The following PRTG variants were observed in gnomAD, a reference collection of about 807,000 sequenced individuals.
PRTG encodes the protein immunoglobulin superfamily, DCC subclass, member 5.
PRTG carries 67 observed loss-of-function variants against 122.5 expected under a neutral mutation model. The observed-to-expected ratio is 0.55, with a 90% CI of 0.45 to 0.67. The LOEUF (loss-of-function observed/expected upper bound fraction) is 0.67, where lower values mean the gene tolerates loss of function less well. PRTG is among the 30% of genes least tolerant of loss of function. The pLI, the probability that PRTG is intolerant of heterozygous loss-of-function variation, is 0.00. For synonymous variants in PRTG, 554 were observed against 501.1 expected (o/e 1.11, Z -1.41); for missense variants, 1,435 against 1,415.4 (o/e 1.01, Z -0.22).
intron 2 of PRTG, among the ~76,000 whole-genome samples, chr15:55,725,839 G>A (rs750169008): frequency 5.3e-5 from 8 of 151,938 alleles, no homozygotes; most frequent in South Asian, 2.1e-4. Context: ...TGGTGCCATC[G>A]CAGCTCACTG....
At chr15:55,641,824 T>C (rs1208216293) in intron 11 of PRTG, among the ~76,000 whole-genome samples, 1 of 152,156 alleles carries the variant, frequency 6.6e-6, no homozygotes, top group East Asian at 1.9e-4. Context: ...TTATTAACTA[T>C]CACGATACTA....
chr15:55,710,383 T>C (rs751031511), intron 2 of PRTG, among the ~76,000 whole-genome samples: 2 of 152,240 alleles, frequency 1.3e-5, no homozygotes, highest in Non-Finnish European at 2.9e-5. Flanking sequence ...TTGGCTACTA[T>C]GTGAATTAAA....
At chr15:55,627,899 T>C (rs899331580) in intron 16 of PRTG, among the ~76,000 whole-genome samples, 1 of 152,068 alleles carries the variant, frequency 6.6e-6, no homozygotes, top group African/African-American at 2.4e-5. Context: ...ACTCACTAAG[T>C]CTGGGGTGGG....
rs2031669385 is a variant in PRTG, at chr15:55,743,002, C to G, written c.-71G>C. ...GTCCGTCTGCGGCCCCCGCCCCGGG[C>G]GCTCTCTGCTCTGCGGCTGGTCGCA... On this transcript the variant is annotated 5_prime_UTR_variant, in exon 1 of 20. Transcript: ENST00000389286. 7.2e-7 allele frequency: 1 copy of G among 1,383,070 alleles called. No homozygotes were observed. The highest frequency in any genetic ancestry group is 1.7e-5 in the South Asian group (1 of 60,316). The allele number at this position is 1,383,070 out of a possible 1,614,324, so 85.7% of individuals were successfully genotyped here.
At chr15:55,714,943 A>G (rs889879130) in intron 2 of PRTG, among the ~76,000 whole-genome samples, 1 of 152,242 alleles carries the variant, frequency 6.6e-6, no homozygotes, top group African/African-American at 2.4e-5. Flanking sequence ...AGCTCTTTAC[A>G]GAGCTTTACA....
chr15:55,709,411 A>G (rs1394515044), intron 2 of PRTG, among the ~76,000 whole-genome samples: 1 of 149,320 alleles, frequency 6.7e-6, no homozygotes, highest in Admixed American at 6.7e-5. Context: ...CGCGTGAGAG[A>G]GTGTGTTCAA....
At chr15:55,686,130 A>G (rs1190407757) in intron 2 of PRTG, among the ~76,000 whole-genome samples, 1 of 152,172 alleles carries the variant, frequency 6.6e-6, no homozygotes, top group Non-Finnish European at 1.5e-5. Context: ...ATAATCAGGT[A>G]AGTTTGTCTT....
At chr15:55,621,479 A>T (rs2141707428) in intron 18 of PRTG, among the ~76,000 whole-genome samples, 1 of 152,264 alleles carries the variant, frequency 6.6e-6, no homozygotes, top group African/African-American at 2.4e-5. Flanking sequence ...AACACAGTGA[A>T]ATCCCGTCTC....
intron 2 of PRTG, among the ~76,000 whole-genome samples, chr15:55,724,240 C>T (rs888054882): frequency 3.3e-5 from 5 of 152,024 alleles, no homozygotes; most frequent in Non-Finnish European, 5.9e-5. Context: ...TGATCTTTTG[C>T]GTAGATGTTC....
chr15:55,634,441 T>C (rs149737891), intron 15 of PRTG, among the ~76,000 whole-genome samples: 54 of 152,306 alleles, frequency 3.5e-4, no homozygotes, highest in African/African-American at 1.2e-3. Flanking sequence ...CAAAATTCTT[T>C]ATTAATACTT....
At chr15:55,718,486 C>A (rs2030686020) in intron 2 of PRTG, among the ~76,000 whole-genome samples, 1 of 152,058 alleles carries the variant, frequency 6.6e-6, no homozygotes, top group African/African-American at 2.4e-5. Context: ...AGAACAACAC[C>A]CCCGCTTTGA....
chr15:55,737,719 C>T (rs2031454269), intron 2 of PRTG, among the ~76,000 whole-genome samples: 1 of 152,080 alleles, frequency 6.6e-6, no homozygotes, highest in Non-Finnish European at 1.5e-5. Context: ...GTGCAACTTT[C>T]AGCTTCTAGT....
rs148763456 is a variant in PRTG at position 55,660,431 on chromosome 15, T to C, written c.2041+12014A>G. On this transcript the variant is annotated intron_variant, in intron 11 of 19. Transcript: ENST00000389286. Reference sequence around the variant, plus strand: ...CTCACACATCTAAAGATTCTTTACATTCACCAGAAACTTCCAGAGTGGTCT... The same window carrying C: ...CTCACACATCTAAAGATTCTTTACACTCACCAGAAACTTCCAGAGTGGTCT... Among the ~76,000 whole-genome samples the C allele has an allele frequency of 2.1e-4, 32 of 152,342 alleles. No homozygotes were observed. The East Asian group carries it at 6.0e-3, about 28-fold the overall frequency.
rs768238894 is a variant in PRTG, at chr15:55,672,464, G to A, written c.2022C>T (p.Leu674=). 2 of 1,613,940 alleles carry A rather than the reference G, an allele frequency of 1.2e-6. No homozygotes were observed. Among genetic ancestry groups the A allele is most frequent in the African/African-American group, 1.3e-5 (1 of 75,040 alleles). Residue 674 remains leucine, a synonymous_variant, in exon 11 of 20, where the codon CTC becomes CTT. Coordinates refer to ENST00000389286, the MANE Select transcript of PRTG (RefSeq NM_173814.6). ...GPIFLDTKDL[L]YTLSGLDPRR... ...ACTCACCTAAGCCACTGAGAGTATAGAGTAGGTCCTTGGTATCCAAGAAAA... is the reference window on the plus strand; with the variant it reads ...ACTCACCTAAGCCACTGAGAGTATAAAGTAGGTCCTTGGTATCCAAGAAAA...
intron 11 of PRTG, among the ~76,000 whole-genome samples, chr15:55,668,317 TTAA>T (rs2059449673): frequency 1.3e-5 from 2 of 152,178 alleles, no homozygotes; most frequent in Admixed American, 1.3e-4. Flanking sequence ...AAATAAAGAC[TTAA>T]TAATTCAGAA....
At position 55,646,936 on chromosome 15, in the gene PRTG, T is replaced by C. The variant is rs144248397; in HGVS notation, c.2042-5728A>G. Among the ~76,000 whole-genome samples, 728 of 152,234 alleles carry C rather than the reference T, an allele frequency of 4.8e-3. 4 individuals carry two copies. The highest frequency in any genetic ancestry group is 7.6e-3 in the Non-Finnish European group (514 of 68,008). On this transcript the variant is annotated intron_variant, in intron 11 of 19. Transcript: ENST00000389286. ...CTCCCTGCTGTCCCTAGGACTGGTCTAACCCTCCTTCCAACCTGATTCATT... is the reference window on the plus strand; with the variant it reads ...CTCCCTGCTGTCCCTAGGACTGGTCCAACCCTCCTTCCAACCTGATTCATT...
chr15:55,711,035 T>C (rs1272177110), intron 2 of PRTG, among the ~76,000 whole-genome samples: 2 of 151,552 alleles, frequency 1.3e-5, no homozygotes, highest in Non-Finnish European at 2.9e-5. Context: ...GCTTCACGAG[T>C]AGCTGGGATT....
chr15:55,632,078 C>A (rs971634199), intron 15 of PRTG, among the ~76,000 whole-genome samples: 3 of 152,130 alleles, frequency 2.0e-5, no homozygotes, highest in African/African-American at 7.2e-5. Context: ...CCTTAAACAT[C>A]ACCTATACAT....
chr15:55,696,113 A>G (rs2059630839), intron 2 of PRTG, among the ~76,000 whole-genome samples: 1 of 151,984 alleles, frequency 6.6e-6, no homozygotes, highest in South Asian at 2.1e-4. Flanking sequence ...CTACAAAAAA[A>G]ATGAGTTGGG....
Sources: gnomAD v4.1 joint callset for allele counts (sites outside exome capture counted in the v4.1 genomes callset) on GRCh38, gnomAD v4.1.1 for gene constraint, MANE v1.5 for transcripts, NCBI Gene and HGNC (gene_info 2026-07-23, HGNC 2026-07-21) for gene names.